Variants in ATP8B4 observed in about 807,000 individuals in gnomAD.
The protein encoded by ATP8B4 is probable phospholipid-transporting ATPase IM.
Under a neutral mutation model 145.6 loss-of-function variants are expected in ATP8B4, and 133 were observed. The ratio of observed to expected loss-of-function variants is 0.91; its 90% CI spans 0.79 to 1.05. The LOEUF (loss-of-function observed/expected upper bound fraction) is 1.05. ATP8B4 is among the 50% of genes least tolerant of loss of function. The pLI, the probability that ATP8B4 is intolerant of heterozygous loss-of-function variation, is 0.00. For missense variants in ATP8B4, 1,458 were observed against 1,425.2 expected (o/e 1.02, Z -0.37); for synonymous variants, 507 against 492.9 (o/e 1.03, Z -0.38).
At position 49,897,510 on chromosome 15, in the gene ATP8B4, G is replaced by A. The variant is rs374381998; in HGVS notation, c.2479C>T (p.His827Tyr). The A allele has an allele frequency of 1.3e-6, 2 of 1,539,154 alleles. No individual in the cohort carries two copies. Among genetic ancestry groups the A allele is most frequent in the Non-Finnish European group, 1.8e-6 (2 of 1,142,588 alleles). Residue 827 changes from histidine to tyrosine, a missense_variant, in exon 23 of 28, where the codon CAC becomes TAC. His to Tyr is a moderately conservative substitution (Grantham distance 83, BLOSUM62 2). Coordinates refer to ENST00000284509, the MANE Select transcript of ATP8B4 (RefSeq NM_024837.4). ...ANDVSMIKSA[H>Y]IGVGISGQEG... ...TGGCCGCTGATGCCAACACCAATGT[G>A]AGCACCTACAAAGGAAAGAGGAACA...
intron 1 of ATP8B4, among the ~76,000 whole-genome samples, chr15:50,131,693 T>C (rs1200783530): frequency 6.6e-6 from 1 of 150,878 alleles, no homozygotes; most frequent in African/African-American, 2.4e-5. Context: ...TACTTCAAAC[T>C]CTTAGTAGTA....
At chr15:49,908,805 G>A (rs1006108085) in intron 20 of ATP8B4, among the ~76,000 whole-genome samples, 11 of 151,946 alleles carry the variant, frequency 7.2e-5, no homozygotes, top group African/African-American at 1.9e-4. Flanking sequence ...AGTGCAAGAC[G>A]CTGACAGCAA....
chr15:49,861,503 TC>T (rs2031808070), intron 27 of ATP8B4, among the ~76,000 whole-genome samples: 1 of 151,802 alleles, frequency 6.6e-6, no homozygotes, highest in Non-Finnish European at 1.5e-5. Flanking sequence ...CCTACCTACC[TC>T]AGTCTCTCTC....
chr15:50,054,821 A>AT (rs2052482344), intron 3 of ATP8B4, among the ~76,000 whole-genome samples: 1 of 150,270 alleles, frequency 6.7e-6, no homozygotes, highest in Non-Finnish European at 1.5e-5. Flanking sequence ...AAAAAAAAAA[A>AT]AACACCAACC....
At chr15:49,862,476 T>C (rs1169100658) in intron 26 of ATP8B4, 101 bp from the exon 27 acceptor site, 2 of 1,313,200 alleles carry the variant, frequency 1.5e-6, no homozygotes, top group Admixed American at 2.2e-5. Flanking sequence ...TTTTTTGAGA[T>C]GGAGTCTTGC....
intron 14 of ATP8B4, among the ~76,000 whole-genome samples, chr15:49,936,930 T>C (rs901107522): frequency 6.6e-6 from 1 of 152,030 alleles, no homozygotes; most frequent in African/African-American, 2.4e-5. Flanking sequence ...GATTTTTTTT[T>C]TTAATTTCCA....
At chr15:49,989,218 A>G (rs944821833) in intron 9 of ATP8B4, among the ~76,000 whole-genome samples, 1 of 152,232 alleles carries the variant, frequency 6.6e-6, no homozygotes, top group Non-Finnish European at 1.5e-5. Context: ...TTGGACAACT[A>G]TGTTGTAGAT....
At chr15:50,156,512 T>C (rs2044422696) in intron 1 of ATP8B4, among the ~76,000 whole-genome samples, 1 of 152,148 alleles carries the variant, frequency 6.6e-6, no homozygotes, top group Non-Finnish European at 1.5e-5. Flanking sequence ...TCTCTTTTTT[T>C]GGCTGGAATA....
chr15:50,138,417 A>T (rs1050407762), intron 1 of ATP8B4, among the ~76,000 whole-genome samples: 1 of 130,998 alleles, frequency 7.6e-6, no homozygotes, highest in Non-Finnish European at 1.6e-5. Flanking sequence ...GATGATAGAT[A>T]GATAGAGAGA....
rs773737927 is a variant in ATP8B4 at position 49,897,368 on chromosome 15, C to CG, written c.2620_2621insC (p.Cys874SerfsTer6). 8.7e-6 allele frequency: 14 copies of CG among 1,613,852 alleles called. No homozygotes were observed. The South Asian group carries it at 1.4e-4, about 16-fold the overall frequency. On this transcript the variant is annotated frameshift_variant, in exon 23 of 28. Transcript: ENST00000284509. LOFTEE classifies it high-confidence loss of function. The stretch of plus-strand genomic sequence containing the variant: ...TGCAAAATTCTTATAGAAGAAATAG[C>CG]ATAAGAATTTGCACATTCGGAAATA...
chr15:50,160,015 C>CTTTTTTTTTTTTTTTTT (rs35773416), intron 1 of ATP8B4, among the ~76,000 whole-genome samples: 1 of 20,080 alleles, frequency 5.0e-5, no homozygotes, highest in Non-Finnish European at 8.4e-5. Flanking sequence ...CAGGTCCTGG[C>CTTTTTTTTTTTTTTTTT]TTTTTTTTTT....
chr15:49,872,617 T>C (rs1465301776), intron 25 of ATP8B4, among the ~76,000 whole-genome samples: 1 of 152,178 alleles, frequency 6.6e-6, no homozygotes, highest in African/African-American at 2.4e-5. Flanking sequence ...ACAACCTCAG[T>C]CTATTTCTAA....
intron 1 of ATP8B4, among the ~76,000 whole-genome samples, chr15:50,168,788 T>C (rs925445507): frequency 2.6e-5 from 4 of 152,134 alleles, no homozygotes; most frequent in Admixed American, 2.6e-4. Context: ...CTCAGGCAAC[T>C]TTTCAAGCCC....
intron 2 of ATP8B4, among the ~76,000 whole-genome samples, chr15:50,087,208 AAAT>A (rs1808750454): frequency 7.7e-6 from 1 of 130,656 alleles, no homozygotes; most frequent in South Asian, 2.3e-4. Context: ...ATATATAATA[AAAT>A]AATATATAGA....
Position 50,144,541 on chromosome 15 carries a change from A to T in ATP8B4, c.-42-37533T>A, listed in dbSNP as rs1478569163. On this transcript the variant is annotated intron_variant, in intron 1 of 3. Coordinates refer to the ATP8B4 transcript ENST00000558829. ...TGTCAAACACTTACAAAACCATCAG[A>T]TCACATGAGACTCACTCACTATCTT... is the stretch of plus-strand genomic sequence containing the variant. Among the ~76,000 whole-genome samples the T allele has an allele frequency of 2.0e-5, 3 of 152,288 alleles. No homozygotes were observed. The East Asian group carries it at 5.8e-4, about 29-fold the overall frequency.
In ATP8B4 at chr15:50,094,625, C is replaced by T. The variant is rs905238466; in HGVS notation, c.28+12314G>A. ...ACATATATACGTATATACACATATACGTGTATATATATTTTTATATTATTA... is the reference window on the plus strand; with the variant it reads ...ACATATATACGTATATACACATATATGTGTATATATATTTTTATATTATTA... On this transcript the variant is annotated intron_variant, in intron 2 of 27. Coordinates refer to ENST00000284509, the MANE Select transcript of ATP8B4 (RefSeq NM_024837.4). Among the ~76,000 whole-genome samples the T allele has an allele frequency of 4.9e-5, 7 of 143,646 alleles. 1 individual carries two copies. The highest frequency in any genetic ancestry group is 4.2e-4 in the Admixed American group (6 of 14,208). 94.2% of individuals were successfully genotyped at this position (143,646 alleles called of 152,430 possible).
intron 6 of ATP8B4, among the ~76,000 whole-genome samples, chr15:50,017,300 T>C (rs762584263): frequency 5.3e-5 from 8 of 152,156 alleles, no homozygotes; most frequent in Non-Finnish European, 5.9e-5. Context: ...CTAAGAACAA[T>C]GTCTATAGGA....
chr15:50,063,028 T>C (rs28460885), intron 3 of ATP8B4, among the ~76,000 whole-genome samples: 23,801 of 151,706 alleles, frequency 0.16, 2,444 homozygotes, highest in African/African-American at 0.29. Flanking sequence ...ATTCATTCTA[T>C]CCTTCTGCTT....
At chr15:50,097,355 C>CA (rs5812504) in intron 2 of ATP8B4, among the ~76,000 whole-genome samples, 3,151 of 149,790 alleles carry the variant, frequency 0.021, 106 homozygotes, top group African/African-American at 0.072. Flanking sequence ...TCTAATTATA[C>CA]AAAAAAAAAA....
Sources: allele counts gnomAD v4.1 joint callset (sites outside exome capture counted in the v4.1 genomes callset), GRCh38; gene constraint gnomAD v4.1.1; transcripts MANE v1.5; gene names NCBI Gene and HGNC (gene_info 2026-07-23, HGNC 2026-07-21).